CAST: variants seen among roughly 807,000 people sequenced by gnomAD.
CAST encodes the protein MIR583 host.
Under a neutral mutation model 119.6 loss-of-function variants are expected in CAST, and 76 were observed. The observed-to-expected ratio is 0.64, with a 90% CI of 0.53 to 0.77. CAST has a LOEUF of 0.77. CAST is among the 30% of genes least tolerant of loss of function. CAST has a pLI of 0.00. For missense variants in CAST, 953 were observed against 946.5 expected (o/e 1.01, Z -0.09); for synonymous variants, 319 against 331.6 (o/e 0.96, Z 0.41).
At chr5:96,618,531 C>G (rs1269002881) in intron 1 of CAST, among the ~76,000 whole-genome samples, 3 of 152,234 alleles carry the variant, frequency 2.0e-5, no homozygotes, top group Non-Finnish European at 4.4e-5. Flanking sequence ...CGGGTGGGAA[C>G]CGGGGCTGCG....
At position 96,617,816 on chromosome 5, in the gene CAST, A is replaced by C. The variant is rs903912564; in HGVS notation, c.61-57723A>C. On this transcript the variant is annotated intron_variant, in intron 1 of 11. Transcript: ENST00000505143. ...AAAAAAAAAAAAAAAAAAAAAAAAAAAAAAAAAAAAAAACACTCTTAGGAG... is the reference window on the plus strand; with the variant it reads ...AAAAAAAAAAAAAAAAAAAAAAAAACAAAAAAAAAAAAACACTCTTAGGAG... Among the ~76,000 whole-genome samples, 51 of 142,640 alleles carry C rather than the reference A, an allele frequency of 3.6e-4. No homozygotes were observed. The South Asian group carries it at 5.5e-3, about 15-fold the overall frequency. 93.6% of individuals were successfully genotyped at this position (142,640 alleles called of 152,430 possible).
At chr5:96,695,957 T>A (rs1753237898) in intron 3 of CAST, 50 bp downstream of exon 3, 3 of 1,296,442 alleles carry the variant, frequency 2.3e-6, no homozygotes, top group African/African-American at 2.9e-5. Flanking sequence ...TCTACAGGGA[T>A]ATGATTAGTG....
the CAST span, among the ~76,000 whole-genome samples, chr5:96,059,985 T>A: frequency 6.6e-6 from 1 of 151,996 alleles, no homozygotes; most frequent in East Asian, 1.9e-4. Flanking sequence ...ACCATACAGA[T>A]CCTGAAGGAT....
At chr5:96,278,384 A>G in the CAST span, among the ~76,000 whole-genome samples, 1 of 152,080 alleles carries the variant, frequency 6.6e-6, no homozygotes, top group Non-Finnish European at 1.5e-5. Context: ...CAGTTCTGAG[A>G]GAACACTCCG....
At chr5:96,257,692 T>C in the CAST span, among the ~76,000 whole-genome samples, 2 of 152,350 alleles carry the variant, frequency 1.3e-5, no homozygotes, top group Non-Finnish European at 2.9e-5. Flanking sequence ...CATGCATTGT[T>C]CTTTATTGAT....
chr5:96,354,766 T>C, the CAST span, among the ~76,000 whole-genome samples: 1 of 150,012 alleles, frequency 6.7e-6, no homozygotes, highest in South Asian at 2.1e-4. Context: ...TATTTACGTA[T>C]ATATTTCTTT....
chr5:96,702,051 C>T (rs944511148), intron 3 of CAST, among the ~76,000 whole-genome samples: 1 of 152,124 alleles, frequency 6.6e-6, no homozygotes, highest in Non-Finnish European at 1.5e-5. Flanking sequence ...TGTCATGACT[C>T]GACACAGCAC....
At chr5:96,580,497 T>G (rs1276958954) in intron 1 of CAST, among the ~76,000 whole-genome samples, 1 of 152,248 alleles carries the variant, frequency 6.6e-6, no homozygotes, top group Admixed American at 6.5e-5. Flanking sequence ...CTTCATGCTC[T>G]ACTACAGTGT....
At chr5:96,492,460 T>A in the CAST span, among the ~76,000 whole-genome samples, 1 of 152,340 alleles carries the variant, frequency 6.6e-6, no homozygotes, top group South Asian at 2.1e-4. Flanking sequence ...CCAACTCATA[T>A]CAGCTACTGG....
chr5:96,568,144 A>G (rs1327021158), intron 1 of CAST, among the ~76,000 whole-genome samples: 3 of 152,194 alleles, frequency 2.0e-5, no homozygotes, highest in Non-Finnish European at 4.4e-5. Flanking sequence ...TGTTAAGAGC[A>G]AGCGTGTATC....
intron 1 of CAST, among the ~76,000 whole-genome samples, chr5:96,619,665 C>G (rs898234393): frequency 6.6e-6 from 1 of 152,198 alleles, no homozygotes; most frequent in Non-Finnish European, 1.5e-5. Flanking sequence ...AGCGAGACCA[C>G]TAACCCACCA....
the CAST span, among the ~76,000 whole-genome samples, chr5:96,200,651 T>C: frequency 5.3e-5 from 8 of 152,200 alleles, no homozygotes; most frequent in Admixed American, 6.5e-5. Flanking sequence ...CTTCTTATAC[T>C]GTGTTGATCA....
At chr5:96,630,545 G>C (rs1216916778) in intron 1 of CAST, among the ~76,000 whole-genome samples, 1 of 152,166 alleles carries the variant, frequency 6.6e-6, no homozygotes, top group Non-Finnish European at 1.5e-5. Flanking sequence ...CCAGCACTTT[G>C]GGAGGCTGAG....
At chr5:96,134,979 G>T in the CAST span, among the ~76,000 whole-genome samples, 20 of 152,200 alleles carry the variant, frequency 1.3e-4, no homozygotes, top group Admixed American at 6.5e-5. Flanking sequence ...AATGGAGTGA[G>T]AAGGAGAAAG....
chr5:96,433,784 G>A, the CAST span, among the ~76,000 whole-genome samples: 2 of 152,116 alleles, frequency 1.3e-5, no homozygotes, highest in Admixed American at 6.5e-5. Flanking sequence ...CTATGTTAAA[G>A]CAATACTATT....
chr5:96,443,125 G>A, the CAST span, among the ~76,000 whole-genome samples: 1 of 152,046 alleles, frequency 6.6e-6, no homozygotes, highest in African/African-American at 2.4e-5. Flanking sequence ...AACTTCCCAG[G>A]AGCCAATTAG....
At chr5:96,562,408 C>T (rs115052136) in intron 1 of CAST, among the ~76,000 whole-genome samples, 135 of 152,202 alleles carry the variant, frequency 8.9e-4, no homozygotes, top group African/African-American at 3.2e-3. Flanking sequence ...AAGGGAAATG[C>T]TAATTACAAC....
chr5:96,601,866 A>ATTATCAAT (rs1747160886), intron 1 of CAST, among the ~76,000 whole-genome samples: 1 of 152,196 alleles, frequency 6.6e-6, no homozygotes, highest in Non-Finnish European at 1.5e-5. Flanking sequence ...AAGCACCGTA[A>ATTATCAAT]TGCTAATTGC....
chr5:96,166,206 T>C, the CAST span, among the ~76,000 whole-genome samples: 1 of 152,196 alleles, frequency 6.6e-6, no homozygotes, highest in Non-Finnish European at 1.5e-5. Context: ...CAGACCACAG[T>C]AAATGTAGTA....
Sources: gnomAD v4.1 joint callset for allele counts (sites outside exome capture counted in the v4.1 genomes callset) on GRCh38, gnomAD v4.1.1 for gene constraint, MANE v1.5 for transcripts, NCBI Gene and HGNC (gene_info 2026-07-23, HGNC 2026-07-21) for gene names.